SUCLG2: variants seen among roughly 807,000 people sequenced by gnomAD.
SUCLG2 encodes succinate--CoA ligase [GDP-forming] subunit beta, mitochondrial.
In SUCLG2, 42 loss-of-function variants were observed where a neutral mutation model predicts 47.9. The observed-to-expected ratio is 0.88, with a 90% CI of 0.69 to 1.14. The LOEUF (loss-of-function observed/expected upper bound fraction) is 1.14, where lower values mean the gene tolerates loss of function less well. Ranked by LOEUF, SUCLG2 falls within the 50% of genes most tolerant of loss-of-function variation. The pLI is 0.00. For missense variants in SUCLG2, 571 were observed against 525.9 expected (o/e 1.09, Z -0.84); for synonymous variants, 195 against 197.3 (o/e 0.99, Z 0.10).
chr3:67,540,042 G>A (rs969699853), intron 2 of SUCLG2, among the ~76,000 whole-genome samples: 3 of 150,688 alleles, frequency 2.0e-5, no homozygotes, highest in African/African-American at 4.9e-5. Flanking sequence ...AGGGCTTTTC[G>A]TGTCTCCATC....
chr3:67,458,934 C>T (rs533410945), intron 9 of SUCLG2, among the ~76,000 whole-genome samples: 1 of 152,338 alleles, frequency 6.6e-6, no homozygotes, highest in African/African-American at 2.4e-5. Context: ...AAGAAAAACA[C>T]ATGGTTAATC....
At position 67,364,246 on chromosome 3, in the gene SUCLG2, T is replaced by C. The variant is rs568989295; in HGVS notation, c.1184-3478A>G. Among the ~76,000 whole-genome samples, 4 of 152,178 alleles carry C rather than the reference T, an allele frequency of 2.6e-5. No homozygotes were observed. In the East Asian group the frequency reaches 7.7e-4, roughly 29 times the overall value. On this transcript the variant is annotated intron_variant, in intron 10 of 10. Transcript: ENST00000493112. Reference sequence around the variant, plus strand: ...CCTGGGTGGTATTAGAAAGGCTGAGTAGAGAGTTGGTTTGTTGATCTCTTC... The same window carrying C: ...CCTGGGTGGTATTAGAAAGGCTGAGCAGAGAGTTGGTTTGTTGATCTCTTC...
chr3:67,388,600 T>G (rs113043752), intron 10 of SUCLG2, among the ~76,000 whole-genome samples: 1 of 152,190 alleles, frequency 6.6e-6, no homozygotes, highest in African/African-American at 2.4e-5. Context: ...GGTGAAACAA[T>G]GCAGAAATTT....
chr3:67,433,825 C>T (rs1030553759), intron 9 of SUCLG2, among the ~76,000 whole-genome samples: 1 of 151,274 alleles, frequency 6.6e-6, no homozygotes, highest in Non-Finnish European at 1.5e-5. Context: ...AACTTATTTG[C>T]ACAGAGATGC....
chr3:67,474,293 C>T (rs1704687766), intron 9 of SUCLG2, among the ~76,000 whole-genome samples: 1 of 151,872 alleles, frequency 6.6e-6, no homozygotes, highest in African/African-American at 2.4e-5. Flanking sequence ...AAAAAGAATA[C>T]ACTAACAGAC....
chr3:67,507,057 C>T (rs1373606279), intron 7 of SUCLG2, among the ~76,000 whole-genome samples: 1 of 152,120 alleles, frequency 6.6e-6, no homozygotes, highest in Non-Finnish European at 1.5e-5. Context: ...ATAACAACTC[C>T]TAATTTTTCA....
chr3:67,367,925 ATTAC>A (rs1404597917), intron 10 of SUCLG2, among the ~76,000 whole-genome samples: 5 of 152,322 alleles, frequency 3.3e-5, no homozygotes, highest in Admixed American at 6.5e-5. Context: ...AATTAGCATT[ATTAC>A]TTCTCTTTTG....
chr3:67,382,247 C>A (rs1375719573), intron 10 of SUCLG2, among the ~76,000 whole-genome samples: 1 of 152,168 alleles, frequency 6.6e-6, no homozygotes, highest in African/African-American at 2.4e-5. Context: ...TTTTAATCCC[C>A]ATTTTACAGG....
intron 9 of SUCLG2, among the ~76,000 whole-genome samples, chr3:67,483,392 G>A (rs775281405): frequency 1.7e-4 from 26 of 152,130 alleles, no homozygotes; most frequent in Non-Finnish European, 3.5e-4. Flanking sequence ...ATGGAACGGC[G>A]ATGACATTTC....
chr3:67,525,438 G>C (rs969540786), intron 4 of SUCLG2, among the ~76,000 whole-genome samples: 10 of 152,110 alleles, frequency 6.6e-5, no homozygotes, highest in African/African-American at 1.9e-4. Context: ...AAAGATCAAT[G>C]GAACAAAACA....
At chr3:67,596,184 A>G (rs1237905277) in intron 2 of SUCLG2, among the ~76,000 whole-genome samples, 1 of 152,174 alleles carries the variant, frequency 6.6e-6, no homozygotes, top group Non-Finnish European at 1.5e-5. Flanking sequence ...CGGGTTGTCT[A>G]TAGGATCTAT....
chr3:67,461,109 T>C (rs1704321369), intron 9 of SUCLG2, among the ~76,000 whole-genome samples: 1 of 152,216 alleles, frequency 6.6e-6, no homozygotes, highest in Non-Finnish European at 1.5e-5. Flanking sequence ...TAAAACTCTA[T>C]GACAAGGGAC....
intron 9 of SUCLG2, among the ~76,000 whole-genome samples, chr3:67,438,788 G>A (rs7631632): frequency 0.66 from 100,217 of 151,978 alleles, 33,475 homozygotes; most frequent in South Asian, 0.71. Flanking sequence ...ACGGATTCAC[G>A]GCCATATTCT....
chr3:67,568,814 G>A (rs1461939449), intron 2 of SUCLG2, among the ~76,000 whole-genome samples: 2 of 152,146 alleles, frequency 1.3e-5, no homozygotes, highest in African/African-American at 2.4e-5. Flanking sequence ...GTGAACCCGG[G>A]AGGCGGAGCT....
chr3:67,397,968 T>C (rs1229427938), intron 10 of SUCLG2, among the ~76,000 whole-genome samples: 1 of 150,628 alleles, frequency 6.6e-6, no homozygotes, highest in African/African-American at 2.4e-5. Flanking sequence ...GCTAGCCATA[T>C]GTAGAAAGCT....
intron 8 of SUCLG2, among the ~76,000 whole-genome samples, chr3:67,497,137 C>CATT (rs1428856267): frequency 6.6e-6 from 1 of 152,126 alleles, no homozygotes; most frequent in Non-Finnish European, 1.5e-5. Flanking sequence ...TGATCTGGTA[C>CATT]ATTATAGTTA....
chr3:67,595,093 G>A (rs890084045), intron 2 of SUCLG2, among the ~76,000 whole-genome samples: 13 of 152,228 alleles, frequency 8.5e-5, no homozygotes, highest in Admixed American at 5.2e-4. Flanking sequence ...GAGTAAAAAC[G>A]GAAGCAATGA....
chr3:67,641,507 A>G (rs773627866), intron 1 of SUCLG2, among the ~76,000 whole-genome samples: 7 of 152,242 alleles, frequency 4.6e-5, no homozygotes, highest in African/African-American at 7.2e-5. Context: ...CTACAATTTC[A>G]GATGTGTTTG....
intron 9 of SUCLG2, among the ~76,000 whole-genome samples, chr3:67,462,408 C>T (rs187239384): frequency 3.3e-4 from 50 of 152,232 alleles, no homozygotes; most frequent in Middle Eastern, 3.4e-3. Flanking sequence ...AGTCTACTAG[C>T]ATTAGATCAT....
Sources: allele counts gnomAD v4.1 joint callset (sites outside exome capture counted in the v4.1 genomes callset), GRCh38; gene constraint gnomAD v4.1.1; transcripts MANE v1.5; gene names NCBI Gene and HGNC (gene_info 2026-07-23, HGNC 2026-07-21).